The following EPOR variants were observed in gnomAD, a reference collection of about 807,000 sequenced individuals.
The protein encoded by EPOR is erythropoietin receptor.
In EPOR, 20 loss-of-function variants were observed where a neutral mutation model predicts 34.3. That is an observed-to-expected ratio of 0.58 (90% confidence interval 0.41 to 0.85). The LOEUF (loss-of-function observed/expected upper bound fraction) is 0.85, where lower values mean the gene tolerates loss of function less well. Among genes scored for constraint, EPOR ranks in the 40% least tolerant of loss-of-function variants. The pLI is 0.00. For synonymous variants in EPOR, 312 were observed against 299.0 expected, an observed-to-expected ratio of 1.04 and a Z score of -0.45; for missense variants, 601 against 672.7, an observed-to-expected ratio of 0.89 and a Z score of 1.18.
chr19:11,381,108 G>A lies in EPOR; in HGVS notation c.687C>T (p.Phe229=). 1.3e-6 allele frequency: 2 copies of A among 1,592,078 alleles called. No homozygotes were observed. The highest frequency in any genetic ancestry group is 1.7e-6 in the Non-Finnish European group (2 of 1,169,336). The part of the protein sequence containing the change: ...AVRARMAEPS[F]GGFWSAWSEP... ...CCGACCAGGCGCTCCAGAAGCCGCC[G>A]AAGCTCGGCTCAGCCATACGCGCGC... Residue 229 remains phenylalanine, a synonymous_variant, in exon 5 of 8, where the codon TTC becomes TTT. Coordinates refer to ENST00000222139, the MANE Select transcript of EPOR (RefSeq NM_000121.4). This position sits in a 1 kb window ranked among gnomAD's most constrained non-coding sequence, Gnocchi z 5.3.
rs2144697839 is a variant in EPOR at position 11,381,593 on chromosome 19, G to A, written c.585+99C>T. The A allele has an allele frequency of 4.7e-6, 6 of 1,270,564 alleles. No homozygotes were observed. Among genetic ancestry groups the A allele is most frequent in the South Asian group, 4.0e-5 (3 of 74,422 alleles). 78.7% of individuals were successfully genotyped at this position (1,270,564 alleles called of 1,614,324 possible). A position where few individuals can be genotyped will look rare whatever the true frequency, so the allele number is the denominator to read the frequency against. ...AGGGTAATGGGATGTGGGATGTTAC[G>A]GACCGGCCCTGAAAGCGGCACCGGG... is the stretch of plus-strand genomic sequence containing the variant. On this transcript the variant is annotated intron_variant, in intron 4 of 7. Coordinates refer to ENST00000222139, the MANE Select transcript of EPOR (RefSeq NM_000121.4). The surrounding 1 kb of genome is among the most constrained non-coding windows in gnomAD (Gnocchi z 5.3).
chr19:11,380,937 G>T lies in EPOR; in HGVS notation c.774C>A (p.Ile258=), dbSNP rs1455974499. ...LDPLILTLSL[I]LVVILVLLTV... The stretch of plus-strand genomic sequence containing the variant: ...TCAGCAGCACCAGGATGACCACGAG[G>T]ATGAGGGAGAGCGTCAGGATGAGGG... The change falls in exon 6 of 8, where the codon ATC becomes ATA. Residue 258 remains isoleucine, a synonymous_variant. Transcript: ENST00000222139. 1.9e-6 allele frequency: 3 copies of T among 1,552,128 alleles called. No individual in the cohort carries two copies. The highest frequency in any genetic ancestry group is 2.0e-5 in the Admixed American group (1 of 51,028).
chr19:11,384,290 C>T lies in EPOR; in HGVS notation c.-83G>A. ...GCACAGTCCACAGCTGGGTCAGCAGCTGCCTCCGCCGGACGCAGCTGACCA... is the reference window on the plus strand; with the variant it reads ...GCACAGTCCACAGCTGGGTCAGCAGTTGCCTCCGCCGGACGCAGCTGACCA... On this transcript the variant is annotated 5_prime_UTR_variant, in exon 1 of 8. Coordinates refer to ENST00000222139, the MANE Select transcript of EPOR (RefSeq NM_000121.4). 1.1e-6 allele frequency: 1 copy of T among 944,516 alleles called. No homozygotes were observed. The highest frequency in any genetic ancestry group is 1.6e-6 in the Non-Finnish European group (1 of 608,320). The allele number at this position is 944,516 out of a possible 1,614,324, so 58.5% of individuals were successfully genotyped here. A position where few individuals can be genotyped will look rare whatever the true frequency, so the allele number is the denominator to read the frequency against.
At position 11,381,175 on chromosome 19, in the gene EPOR, A is replaced by G. The variant is rs533014098; in HGVS notation, c.620T>C (p.Leu207Pro). 6.4e-7 allele frequency: 1 copy of G among 1,552,172 alleles called. No individual in the cohort carries two copies. The highest frequency in any genetic ancestry group is 2.0e-4 in the Middle Eastern group (1 of 5,006). Reference sequence around the variant, plus strand: ...GCGCGTCCGGCCCCGCAGGTTGCTCAGCACACACTCGGTGCGGCCCTCCAG... The same window carrying G: ...GCGCGTCCGGCCCCGCAGGTTGCTCGGCACACACTCGGTGCGGCCCTCCAG... ...EILEGRTECV[L>P]SNLRGRTRYT... Residue 207 changes from leucine to proline, a missense_variant, in exon 5 of 8, where the codon CTG becomes CCG. Transcript: ENST00000222139. The surrounding 1 kb of genome is among the most constrained non-coding windows in gnomAD (Gnocchi z 5.3).
At position 11,378,369 on chromosome 19, in the gene EPOR, G is replaced by C. The variant is rs760526845; in HGVS notation, c.1142C>G (p.Pro381Arg). 1 of 1,613,174 alleles carries C rather than the reference G, an allele frequency of 6.2e-7. No individual in the cohort carries two copies. The highest frequency in any genetic ancestry group is 8.5e-7 in the Non-Finnish European group (1 of 1,179,998). ...LDKWLLPRNP[P>R]SEDLPGPGGS... ...ACCAGGCCCTGGGAGGTCCTCACTG[G>C]GCGGGTTCCGGGGCAGCAACCATTT... Residue 381 changes from proline to arginine, a missense_variant, in exon 8 of 8, where the codon CCC (proline) becomes CGC (arginine). Physicochemically the swap from Pro to Arg is moderately radical, Grantham distance 103. Transcript: ENST00000222139. This position sits in a 1 kb window ranked among gnomAD's most constrained non-coding sequence, Gnocchi z 5.3.
chr19:11,381,273 C>G lies in EPOR; in HGVS notation c.586-64G>C. Reference sequence around the variant, plus strand: ...AAAATAGATGACGTGGGGGCGGGCCCTGGTGGAACTGAGCCAATCAGGGGA... The same window carrying G: ...AAAATAGATGACGTGGGGGCGGGCCGTGGTGGAACTGAGCCAATCAGGGGA... On this transcript the variant is annotated intron_variant, in intron 4 of 7. Coordinates refer to ENST00000222139, the MANE Select transcript of EPOR (RefSeq NM_000121.4). This position sits in a 1 kb window ranked among gnomAD's most constrained non-coding sequence, Gnocchi z 5.3. 1 of 1,521,660 alleles carries G rather than the reference C, an allele frequency of 6.6e-7. No individual in the cohort carries two copies. The highest frequency in any genetic ancestry group is 8.9e-7 in the Non-Finnish European group (1 of 1,123,654). The allele number at this position is 1,521,660 out of a possible 1,614,324, so 94.3% of individuals were successfully genotyped here. A position where few individuals can be genotyped will look rare whatever the true frequency, so the allele number is the denominator to read the frequency against.
chr19:11,378,398 C>T lies in EPOR; in HGVS notation c.1113G>A (p.Leu371=). Residue 371 remains leucine (L), a synonymous_variant, in exon 8 of 8, where the codon CTG becomes CTA. Coordinates refer to ENST00000222139, the MANE Select transcript of EPOR (RefSeq NM_000121.4). The surrounding 1 kb of genome is among the most constrained non-coding windows in gnomAD (Gnocchi z 5.3). ...GGTTCCGGGGCAGCAACCATTTGTC[C>T]AGCACCAGATAGGTATCCTGGGCAT... ...SEHAQDTYLV[L]DKWLLPRNPP... The T allele has an allele frequency of 6.2e-7, 1 of 1,613,810 alleles. No homozygotes were observed. The highest frequency in any genetic ancestry group is 8.5e-7 in the Non-Finnish European group (1 of 1,180,024).
chr19:11,378,546 G>T lies in EPOR; in HGVS notation c.965C>A (p.Pro322His), dbSNP rs766378891. 1.9e-6 allele frequency: 3 copies of T among 1,614,068 alleles called. No individual in the cohort carries two copies. Among genetic ancestry groups the T allele is most frequent in the African/African-American group, 1.3e-5 (1 of 74,928 alleles). The change falls in exon 8 of 8, where the codon CCC (proline) becomes CAC (histidine). Residue 322 changes from proline (P) to histidine (H), a missense_variant. By Grantham distance (77) the Pro-to-His change is moderately conservative. Coordinates refer to ENST00000222139, the MANE Select transcript of EPOR (RefSeq NM_000121.4). This position sits in a 1 kb window ranked among gnomAD's most constrained non-coding sequence, Gnocchi z 5.3. The part of the protein sequence containing the change: ...DGCLWWSPCT[P>H]FTEDPPASLE... ...GGAAGCAGGTGGGTCCTCCGTGAAG[G>T]GGGTGCAGGGGCTCCACCACAGGCA...
In EPOR at chr19:11,381,860, G is replaced by A; in HGVS notation, c.428-11C>T. 6.2e-7 allele frequency: 1 copy of A among 1,614,138 alleles called. No individual in the cohort carries two copies. The highest frequency in any genetic ancestry group is 8.5e-7 in the Non-Finnish European group (1 of 1,179,994). ...GGGCGTCTAGGAGCACTGCAGGCATGGGGGTTGGTCAGGTGGGCGAGGACT... is the reference window on the plus strand; with the variant it reads ...GGGCGTCTAGGAGCACTGCAGGCATAGGGGTTGGTCAGGTGGGCGAGGACT... On this transcript the variant is annotated splice_polypyrimidine_tract_variant and intron_variant, in intron 3 of 7. Coordinates refer to ENST00000222139, the MANE Select transcript of EPOR (RefSeq NM_000121.4). The surrounding 1 kb of genome is among the most constrained non-coding windows in gnomAD (Gnocchi z 5.3).
Position 11,381,774 on chromosome 19 carries a change from G to T in EPOR, c.503C>A (p.Pro168Gln). Reference sequence around the variant, plus strand: ...AGACGTCATGGGTGTCTCAGGCGGCGGGAGCCAGCGCAACACTACGTGGCC... The same window carrying T: ...AGACGTCATGGGTGTCTCAGGCGGCTGGAGCCAGCGCAACACTACGTGGCC... ...ESGHVVLRWLPPPETPMTSHI... is the reference protein window; with the variant it reads ...ESGHVVLRWLQPPETPMTSHI... Residue 168 changes from proline to glutamine, a missense_variant, in exon 4 of 8, where the codon CCG becomes CAG. Coordinates refer to ENST00000222139, the MANE Select transcript of EPOR (RefSeq NM_000121.4). This position sits in a 1 kb window ranked among gnomAD's most constrained non-coding sequence, Gnocchi z 5.3. 1 of 1,613,500 alleles carries T rather than the reference G, an allele frequency of 6.2e-7. No homozygotes were observed. The highest frequency in any genetic ancestry group is 1.7e-4 in the Middle Eastern group (1 of 6,060).
chr19:11,377,526 C>G lies in EPOR; in HGVS notation c.*458G>C, dbSNP rs1968296313. On this transcript the variant is annotated 3_prime_UTR_variant, in exon 8 of 8. Transcript: ENST00000222139. Reference sequence around the variant, plus strand: ...AGACTGGAAGAGTCTGAACCTCTGACTCATCCCATGGATGGCTGCCCATTT... The same window carrying G: ...AGACTGGAAGAGTCTGAACCTCTGAGTCATCCCATGGATGGCTGCCCATTT... The G allele has an allele frequency of 2.2e-6, 1 of 454,246 alleles. No individual in the cohort carries two copies. The highest frequency in any genetic ancestry group is 2.0e-5 in the African/African-American group (1 of 50,010). The allele number at this position is 454,246 out of a possible 1,614,324, so 28.1% of individuals were successfully genotyped here.
At position 11,383,340 on chromosome 19, in the gene EPOR, C is replaced by T. The variant is rs1968391275; in HGVS notation, c.116-108G>A. The T allele has an allele frequency of 5.3e-6, 6 of 1,130,072 alleles. No homozygotes were observed. The highest frequency in any genetic ancestry group is 4.9e-6 in the Non-Finnish European group (4 of 818,510). The allele number at this position is 1,130,072 out of a possible 1,614,324, so 70.0% of individuals were successfully genotyped here. A position where few individuals can be genotyped will look rare whatever the true frequency, so the allele number is the denominator to read the frequency against. On this transcript the variant is annotated intron_variant, in intron 1 of 7. Coordinates refer to ENST00000222139, the MANE Select transcript of EPOR (RefSeq NM_000121.4). The surrounding 1 kb of genome is among the most constrained non-coding windows in gnomAD (Gnocchi z 4.9). Reference sequence around the variant, plus strand: ...CTGGGCGGACCCGATAAGAAAAAAGCCCCGCCCTGCCATCTTCCCAAGCGG... The same window carrying T: ...CTGGGCGGACCCGATAAGAAAAAAGTCCCGCCCTGCCATCTTCCCAAGCGG...
Position 11,377,905 on chromosome 19 carries a change from C to T in EPOR, c.*79G>A, listed in dbSNP as rs779330970. ...CCCCTGCTCCTGAGAGAGGCCTCGC[C>T]ATCCCTGTTCCATAAGTCTTGAGTC... On this transcript the variant is annotated 3_prime_UTR_variant, in exon 8 of 8. Coordinates refer to ENST00000222139, the MANE Select transcript of EPOR (RefSeq NM_000121.4). 1.3e-6 allele frequency: 2 copies of T among 1,582,426 alleles called. No homozygotes were observed. The highest frequency in any genetic ancestry group is 1.7e-6 in the Non-Finnish European group (2 of 1,154,498).
intron 2 of EPOR, among the ~76,000 whole-genome samples, chr19:11,382,628 G>T (rs901307020): frequency 2.6e-5 from 4 of 152,102 alleles, no homozygotes; most frequent in Admixed American, 6.6e-5. Flanking sequence ...CTCCCAAAGT[G>T]CTGGGATTAC....
At position 11,383,276 on chromosome 19, in the gene EPOR, A is replaced by C. The variant is rs1047284588; in HGVS notation, c.116-44T>G. ...GGAAGGGCATGGGGGTCTGAGCTCT[A>C]TCCTCGGGAGACAGCCCCCTCCTCT... On this transcript the variant is annotated intron_variant, in intron 1 of 7. Coordinates refer to ENST00000222139, the MANE Select transcript of EPOR (RefSeq NM_000121.4). This position sits in a 1 kb window ranked among gnomAD's most constrained non-coding sequence, Gnocchi z 4.9. 1 of 1,530,216 alleles carries C rather than the reference A, an allele frequency of 6.5e-7. No homozygotes were observed. Among genetic ancestry groups the C allele is most frequent in the African/African-American group, 1.4e-5 (1 of 72,950 alleles). The allele number at this position is 1,530,216 out of a possible 1,614,324, so 94.8% of individuals were successfully genotyped here.
In EPOR at chr19:11,381,616, G is replaced by A; in HGVS notation, c.585+76C>T. 1.3e-6 allele frequency: 2 copies of A among 1,487,666 alleles called. No individual in the cohort carries two copies. The highest frequency in any genetic ancestry group is 9.1e-7 in the Non-Finnish European group (1 of 1,098,504). 92.2% of individuals were successfully genotyped at this position (1,487,666 alleles called of 1,614,324 possible). A position where few individuals can be genotyped will look rare whatever the true frequency, so the allele number is the denominator to read the frequency against. On this transcript the variant is annotated intron_variant, in intron 4 of 7. Transcript: ENST00000222139. The surrounding 1 kb of genome is among the most constrained non-coding windows in gnomAD (Gnocchi z 5.3). ...ACGGACCGGCCCTGAAAGCGGCACC[G>A]GGCGCGACCTCGAGAGGCGTGGCTG...
Position 11,378,842 on chromosome 19 carries a change from C to T in EPOR, c.828-64G>A, listed in dbSNP as rs895692863. ...CATTGAATACTCACCAATTCCCCCT[C>T]CACTCCCAGTCATAGAGGCACAGAT... On this transcript the variant is annotated intron_variant, in intron 6 of 7. Transcript: ENST00000222139. This position sits in a 1 kb window ranked among gnomAD's most constrained non-coding sequence, Gnocchi z 5.3. 6.0e-6 allele frequency: 9 copies of T among 1,490,644 alleles called. No individual in the cohort carries two copies. Among genetic ancestry groups the T allele is most frequent in the Non-Finnish European group, 7.4e-6 (8 of 1,074,838 alleles). 92.3% of individuals were successfully genotyped at this position (1,490,644 alleles called of 1,614,324 possible).
In EPOR at chr19:11,381,060, A is replaced by G; in HGVS notation, c.735T>C (p.Pro245=). 3 of 1,601,288 alleles carry G rather than the reference A, an allele frequency of 1.9e-6. No homozygotes were observed. The highest frequency in any genetic ancestry group is 1.7e-6 in the Non-Finnish European group (2 of 1,174,106). The change falls in exon 5 of 8, where the codon CCT becomes CCC. Residue 245 remains proline (P), a synonymous_variant. Transcript: ENST00000222139. This position sits in a 1 kb window ranked among gnomAD's most constrained non-coding sequence, Gnocchi z 5.3. The part of the protein sequence containing the change: ...AWSEPVSLLT[P]SDLDPLILTL... ...CACCCCCGCCTGGGGCCTCACCGCT[A>G]GGCGTCAGCAGCGACACAGGCTCCG...
At chr19:11,379,009 C>T (rs1968321198) in intron 6 of EPOR, among the ~76,000 whole-genome samples, 3 of 151,974 alleles carry the variant, frequency 2.0e-5, no homozygotes, top group Admixed American at 2.0e-4. Flanking sequence ...TTCAATATAC[C>T]TTGGTCATTC....
Sources: allele counts gnomAD v4.1 joint callset (sites outside exome capture counted in the v4.1 genomes callset), GRCh38; gene constraint gnomAD v4.1.1; non-coding constraint Gnocchi (gnomAD v3.1); transcripts MANE v1.5; gene names NCBI Gene and HGNC (gene_info 2026-07-23, HGNC 2026-07-21).